RAB11FIP1: variants seen among roughly 807,000 people sequenced by gnomAD.
The protein encoded by RAB11FIP1 is RAB11 family interacting protein 1.
In RAB11FIP1, 49 loss-of-function variants were observed where a neutral mutation model predicts 83.1. The ratio of observed to expected loss-of-function variants is 0.59; its 90% CI spans 0.47 to 0.75. RAB11FIP1 has a LOEUF of 0.75. Ranked by LOEUF, RAB11FIP1 falls within the 30% of genes least tolerant of loss-of-function variation. The pLI is 0.00. For synonymous variants in RAB11FIP1, 670 were observed against 656.0 expected (o/e 1.02, Z -0.33); for missense variants, 1,536 against 1,598.7 (o/e 0.96, Z 0.67).
chr8:37,895,228 TATATATATATATATATATATATATATATA>T (rs1807042012), intron 1 of RAB11FIP1, among the ~76,000 whole-genome samples: 2 of 5,154 alleles, frequency 3.9e-4, no homozygotes, highest in Non-Finnish European at 8.2e-4. Flanking sequence ...AATATATATA[TATATATATATATATATATATATATATATA>T]TATTTTTTTT....
intron 1 of RAB11FIP1, among the ~76,000 whole-genome samples, chr8:37,890,297 TG>T (rs1306341011): frequency 6.6e-6 from 1 of 152,166 alleles, no homozygotes; most frequent in Non-Finnish European, 1.5e-5. Context: ...AGGCCTTAAT[TG>T]TTCTACCTAG....
At chr8:37,868,906 T>G (rs1034464949) in intron 5 of RAB11FIP1, among the ~76,000 whole-genome samples, 3 of 152,102 alleles carry the variant, frequency 2.0e-5, no homozygotes, top group African/African-American at 7.2e-5. Flanking sequence ...TATAGGAAAT[T>G]GTTGACTATA....
At chr8:37,886,151 TAC>T (rs1221386998) in intron 1 of RAB11FIP1, among the ~76,000 whole-genome samples, 1 of 152,078 alleles carries the variant, frequency 6.6e-6, no homozygotes, top group Non-Finnish European at 1.5e-5. Flanking sequence ...ACGCTGGAAA[TAC>T]AGAGAATGAG....
Position 37,873,006 on chromosome 8 carries a change from G to A in RAB11FIP1, c.1796C>T (p.Ser599Leu), listed in dbSNP as rs778444874. The A allele has an allele frequency of 6.2e-7, 1 of 1,613,992 alleles. No homozygotes were observed. The highest frequency in any genetic ancestry group is 1.1e-5 in the South Asian group (1 of 91,072). Residue 599 changes from serine (S) to leucine (L), a missense_variant, in exon 4 of 6, where the codon TCA (serine) becomes TTA (leucine). Ser to Leu is a moderately radical substitution (Grantham distance 145). Coordinates refer to ENST00000330843, the MANE Select transcript of RAB11FIP1 (RefSeq NM_001002814.3). ...SESPSVFSSL[S>L]SPIAAPISTS... is the part of the protein sequence containing the mutation. Reference sequence around the variant, plus strand: ...GGAAATGGGAGCTGCTATGGGAGATGAGAGAGAGGAGAAGACAGAAGGACT... The same window carrying A: ...GGAAATGGGAGCTGCTATGGGAGATAAGAGAGAGGAGAAGACAGAAGGACT...
chr8:37,889,522 A>C (rs1806904494), intron 1 of RAB11FIP1, among the ~76,000 whole-genome samples: 1 of 152,194 alleles, frequency 6.6e-6, no homozygotes, highest in East Asian at 1.9e-4. Context: ...CTGTCAAAGA[A>C]TATTGTCTTG....
chr8:37,872,587 T>G lies in RAB11FIP1; in HGVS notation c.2215A>C (p.Ser739Arg). ...ALSLSSDGAV[S>R]PVGELAAGGD... Reference sequence around the variant, plus strand: ...CCTGCTGCAAGCTCCCCAACAGGGCTCACAGCTCCATCACTGCTGAGTGAA... The same window carrying G: ...CCTGCTGCAAGCTCCCCAACAGGGCGCACAGCTCCATCACTGCTGAGTGAA... Residue 739 changes from serine to arginine, a missense_variant, in exon 4 of 6, where the codon AGC becomes CGC. Physicochemically the swap from Ser to Arg is moderately radical, Grantham distance 110. Coordinates refer to ENST00000330843, the MANE Select transcript of RAB11FIP1 (RefSeq NM_001002814.3). 6.2e-7 allele frequency: 1 copy of G among 1,614,244 alleles called. No homozygotes were observed. Among genetic ancestry groups the G allele is most frequent in the South Asian group, 1.1e-5 (1 of 91,082 alleles).
chr8:37,893,910 G>C (rs1452289641), intron 1 of RAB11FIP1, among the ~76,000 whole-genome samples: 2 of 152,170 alleles, frequency 1.3e-5, no homozygotes, highest in East Asian at 3.9e-4. Flanking sequence ...AAAACCATGA[G>C]GGAATATCTT....
intron 1 of RAB11FIP1, among the ~76,000 whole-genome samples, chr8:37,893,971 A>G (rs562393869): frequency 4.8e-4 from 73 of 152,256 alleles, no homozygotes; most frequent in African/African-American, 1.7e-3. Context: ...TAGTCATTTC[A>G]TTCCTCTGTT....
Position 37,874,915 on chromosome 8 carries a change from G to C in RAB11FIP1, c.1222C>G (p.Leu408Val), listed in dbSNP as rs767547353. The C allele has an allele frequency of 2.5e-6, 4 of 1,614,116 alleles. No individual in the cohort carries two copies. The East Asian group carries it at 6.7e-5, about 27-fold the overall frequency. ...YRPAPLVSGDLRENMAPANSE... is the reference protein window; with the variant it reads ...YRPAPLVSGDVRENMAPANSE... ...TTTGCGGGGGCCATGTTTTCCCTGA[G>C]GTCCCCACTGACCAGTGGGGCAGGT... The change falls in exon 3 of 6, where the codon CTC (leucine) becomes GTC (valine). Residue 408 changes from leucine to valine, a missense_variant. Physicochemically the swap from Leu to Val is conservative, Grantham distance 32. Coordinates refer to ENST00000330843, the MANE Select transcript of RAB11FIP1 (RefSeq NM_001002814.3).
rs137855682 is a variant in RAB11FIP1, at chr8:37,873,051, G to T, written c.1751C>A (p.Ala584Glu). The T allele has an allele frequency of 6.2e-7, 1 of 1,614,136 alleles. No homozygotes were observed. Among genetic ancestry groups the T allele is most frequent in the African/African-American group, 1.3e-5 (1 of 75,044 alleles). ...AGGACTCTCAGAGGACTGTGTGTCT[G>T]CACCATGTCCCAATTCAGAGGGGAC... is the stretch of plus-strand genomic sequence containing the variant. ...ASVPSELGHG[A>E]DTQSSESPSV... The change falls in exon 4 of 6, where the codon GCA becomes GAA. Residue 584 changes from alanine (A) to glutamate (E), a missense_variant. Ala to Glu is a moderately radical substitution (Grantham distance 107). Coordinates refer to ENST00000330843, the MANE Select transcript of RAB11FIP1 (RefSeq NM_001002814.3).
Position 37,873,120 on chromosome 8 carries a change from G to A in RAB11FIP1, c.1682C>T (p.Pro561Leu), listed in dbSNP as rs1040648411. Residue 561 changes from proline to leucine, a missense_variant, in exon 4 of 6, where the codon CCT (proline) becomes CTT (leucine). Pro to Leu is a moderately conservative substitution (Grantham distance 98). Coordinates refer to ENST00000330843, the MANE Select transcript of RAB11FIP1 (RefSeq NM_001002814.3). ...AGAAGGAAGAGGAGGAAGAGAGGAA[G>A]GGGAGTCAGTAGGGGAAGGAAGCCT... is the stretch of plus-strand genomic sequence containing the variant. ...TARLPSPTDS[P>L]SSLPPLPSSS... is the part of the protein sequence containing the mutation. 1 of 1,611,966 alleles carries A rather than the reference G, an allele frequency of 6.2e-7. No individual in the cohort carries two copies. Among genetic ancestry groups the A allele is most frequent in the East Asian group, 2.2e-5 (1 of 44,876 alleles).
Position 37,863,234 on chromosome 8 carries a change from T to TTTTCTTTCTTTCTTTCTTTC in RAB11FIP1, c.3634-141_3634-122dup, listed in dbSNP as rs57240247. 2.7e-4 allele frequency: 162 copies of TTTTCTTTCTTTCTTTCTTTC among 592,508 alleles called. 1 individual carries two copies. In the African/African-American group the frequency reaches 3.0e-3, roughly 11 times the overall value. The allele number at this position is 592,508 out of a possible 1,614,324, so 36.7% of individuals were successfully genotyped here. On this transcript the variant is annotated intron_variant, in intron 5 of 5. Coordinates refer to ENST00000330843, the MANE Select transcript of RAB11FIP1 (RefSeq NM_001002814.3). ...GTGATCTGGGTCTCTTGGGAATCCA[T>TTTTCTTTCTTTCTTTCTTTC]TTTCTTTCTTTCTTTCTTTCTTTCT...
At chr8:37,874,417 T>C in intron 3 of RAB11FIP1, 98 bp downstream of exon 3, 1 of 934,928 alleles carries the variant, frequency 1.1e-6, no homozygotes. Context: ...ATATGGGTAC[T>C]ATGATATCAT....
chr8:37,886,773 A>G (rs1007268664), intron 1 of RAB11FIP1, among the ~76,000 whole-genome samples: 7 of 152,338 alleles, frequency 4.6e-5, no homozygotes, highest in African/African-American at 1.7e-4. Flanking sequence ...AAAGCAGTCC[A>G]TGAACTGTCT....
Position 37,861,472 on chromosome 8 carries a change from A to T in RAB11FIP1, c.*1423T>A, listed in dbSNP as rs1806230329. The stretch of plus-strand genomic sequence containing the variant: ...GGGAGAGAAAGTGTTCAAAGGACAG[A>T]CATGCAGATGCAGTTCAATCCCTTT... On this transcript the variant is annotated 3_prime_UTR_variant, in exon 6 of 6. Transcript: ENST00000330843. 1.2e-5 allele frequency: 5 copies of T among 408,954 alleles called. No homozygotes were observed. The highest frequency in any genetic ancestry group is 4.3e-5 in the African/African-American group (2 of 46,838). The allele number at this position is 408,954 out of a possible 1,614,324, so 25.3% of individuals were successfully genotyped here.
At chr8:37,898,681 G>A (rs1242803327) in intron 1 of RAB11FIP1, among the ~76,000 whole-genome samples, 1 of 151,412 alleles carries the variant, frequency 6.6e-6, no homozygotes. Flanking sequence ...TTAGCCGGGC[G>A]TGGTGGTGCG....
chr8:37,879,181 A>T (rs760684434), intron 1 of RAB11FIP1, among the ~76,000 whole-genome samples: 2 of 151,946 alleles, frequency 1.3e-5, no homozygotes, highest in Admixed American at 6.6e-5. Flanking sequence ...CATGGCGAGC[A>T]CCTGTAATCC....
At chr8:37,888,268 G>A (rs960614930) in intron 1 of RAB11FIP1, among the ~76,000 whole-genome samples, 3 of 151,680 alleles carry the variant, frequency 2.0e-5, no homozygotes, top group Non-Finnish European at 4.4e-5. Flanking sequence ...CACTACACCC[G>A]GCTAATTTTT....
intron 1 of RAB11FIP1, among the ~76,000 whole-genome samples, chr8:37,888,464 T>C (rs1325142532): frequency 6.6e-6 from 1 of 151,978 alleles, no homozygotes; most frequent in Non-Finnish European, 1.5e-5. Context: ...CAGTGTGTAC[T>C]TTCTTTAAAA....
Sources: allele counts gnomAD v4.1 joint callset (sites outside exome capture counted in the v4.1 genomes callset), GRCh38; gene constraint gnomAD v4.1.1; transcripts MANE v1.5; gene names NCBI Gene and HGNC (gene_info 2026-07-23, HGNC 2026-07-21).